Variants in BMPR1A observed in about 807,000 individuals in gnomAD.
The protein encoded by BMPR1A is bone morphogenetic protein receptor type-1A.
BMPR1A carries 7 observed loss-of-function variants against 66.0 expected under a neutral mutation model. The ratio of observed to expected loss-of-function variants is 0.11; its 90% confidence interval spans 0.06 to 0.20. The LOEUF is 0.20. BMPR1A is among the 10% of genes least tolerant of loss of function. The pLI is 1.00. For synonymous variants in BMPR1A, 200 were observed against 229.7 expected (o/e 0.87, Z 1.17); for missense variants, 408 against 669.1 (o/e 0.61, Z 4.31).
Position 86,875,949 on chromosome 10 carries a change from A to G in BMPR1A, c.-70A>G, listed in dbSNP as rs1842915645. Reference sequence around the variant, plus strand: ...AAGAAAATCTCACTGAATGATAGTCATTTAAATTGGTGAAGTAGCAAGACC... The same window carrying G: ...AAGAAAATCTCACTGAATGATAGTCGTTTAAATTGGTGAAGTAGCAAGACC... On this transcript the variant is annotated 5_prime_UTR_variant, in exon 3 of 13. Coordinates refer to ENST00000372037, the MANE Select transcript of BMPR1A (RefSeq NM_004329.3). 2 of 1,283,900 alleles carry G rather than the reference A, an allele frequency of 1.6e-6. No homozygotes were observed. Among genetic ancestry groups the G allele is most frequent in the Non-Finnish European group, 2.3e-6 (2 of 883,844 alleles). 79.5% of individuals were successfully genotyped at this position (1,283,900 alleles called of 1,614,324 possible). A position where few individuals can be genotyped will look rare whatever the true frequency, so the allele number is the denominator to read the frequency against.
rs1361764159 is a variant in BMPR1A at position 86,837,251 on chromosome 10, G to GTGTGTGTGTGTC, written c.-267-1603_-267-1602insCTGTGTGTGTGT. On this transcript the variant is annotated intron_variant, in intron 1 of 12. Coordinates refer to ENST00000372037, the MANE Select transcript of BMPR1A (RefSeq NM_004329.3). ...TCAGGCTGTGTGTGTGTGTGTCTGTGTGTGTGTGTGTGTGTGTGTGTGTAA... is the reference window on the plus strand; with the variant it reads ...TCAGGCTGTGTGTGTGTGTGTCTGTGTGTGTGTGTGTCTGTGTGTGTGTGTGTGTGTGTGTAA... Among the ~76,000 whole-genome samples, 389 of 127,186 alleles carry GTGTGTGTGTGTC rather than the reference G, an allele frequency of 3.1e-3. 4 individuals are homozygous for GTGTGTGTGTGTC. Among genetic ancestry groups the GTGTGTGTGTGTC allele is most frequent in the African/African-American group, 0.015 (370 of 24,912 alleles). The allele number at this position is 127,186 out of a possible 152,430, so 83.4% of individuals were successfully genotyped here. A position where few individuals can be genotyped will look rare whatever the true frequency, so the allele number is the denominator to read the frequency against.
intron 1 of BMPR1A, among the ~76,000 whole-genome samples, chr10:86,823,929 G>A (rs1029599083): frequency 6.6e-6 from 1 of 152,222 alleles, no homozygotes; most frequent in Non-Finnish European, 1.5e-5. Context: ...GTGGTGGTAT[G>A]ACATTTGCAG....
chr10:86,802,806 TAA>T (rs1343438560), intron 1 of BMPR1A, among the ~76,000 whole-genome samples: 2 of 143,502 alleles, frequency 1.4e-5, no homozygotes. Flanking sequence ...CAGACATGTT[TAA>T]AAAAAAAAAA....
intron 2 of BMPR1A, among the ~76,000 whole-genome samples, chr10:86,841,863 T>C (rs555950862): frequency 6.6e-6 from 1 of 152,290 alleles, no homozygotes; most frequent in East Asian, 1.9e-4. Flanking sequence ...GCCTACAGAA[T>C]GAACGTTCCA....
intron 1 of BMPR1A, among the ~76,000 whole-genome samples, chr10:86,769,184 C>T (rs1023962042): frequency 1.3e-5 from 2 of 152,128 alleles, no homozygotes; most frequent in African/African-American, 4.8e-5. Flanking sequence ...TGTTGCTTTT[C>T]CTGCTTTGTA....
intron 1 of BMPR1A, among the ~76,000 whole-genome samples, chr10:86,766,829 T>G (rs1841171240): frequency 6.6e-6 from 1 of 150,972 alleles, no homozygotes; most frequent in Non-Finnish European, 1.5e-5. Context: ...AGGATGGTTT[T>G]TTTTTTTTTT....
At chr10:86,898,960 C>T (rs1208214600) in intron 5 of BMPR1A, among the ~76,000 whole-genome samples, 3 of 152,156 alleles carry the variant, frequency 2.0e-5, no homozygotes, top group Admixed American at 6.5e-5. Context: ...TTTCCAAATG[C>T]TCTTGACCAT....
At chr10:86,907,153 GCTGT>G (rs1218790222) in intron 7 of BMPR1A, among the ~76,000 whole-genome samples, 1 of 152,222 alleles carries the variant, frequency 6.6e-6, no homozygotes, top group Non-Finnish European at 1.5e-5. Flanking sequence ...CAGCACAAGT[GCTGT>G]CTGACACTTG....
chr10:86,763,053 G>A (rs537286885), intron 1 of BMPR1A, among the ~76,000 whole-genome samples: 1 of 152,014 alleles, frequency 6.6e-6, no homozygotes, highest in East Asian at 1.9e-4. Flanking sequence ...GAGCCACCAC[G>A]CCTGGCTAAT....
intron 1 of BMPR1A, among the ~76,000 whole-genome samples, chr10:86,796,376 T>C (rs1384204467): frequency 2.0e-5 from 3 of 152,088 alleles, no homozygotes; most frequent in South Asian, 2.1e-4. Flanking sequence ...TACTATTTTT[T>C]TCTTCACTTT....
At chr10:86,873,571 G>C (rs1842880345) in intron 2 of BMPR1A, among the ~76,000 whole-genome samples, 2 of 152,166 alleles carry the variant, frequency 1.3e-5, no homozygotes, top group African/African-American at 4.8e-5. Flanking sequence ...ACTGGAGAGT[G>C]GTAGCCAGTG....
In BMPR1A at chr10:86,925,439, G is replaced by T; in HGVS notation, c.*1720G>T. ...AAGGTTAAAACTTACAAATTTGTCT[G>T]CACATCAAATTTCACAAATTTGAAA... On this transcript the variant is annotated 3_prime_UTR_variant, in exon 13 of 13. Transcript: ENST00000372037. 1 of 215,470 alleles carries T rather than the reference G, an allele frequency of 4.6e-6. No homozygotes were observed. The highest frequency in any genetic ancestry group is 9.3e-6 in the Non-Finnish European group (1 of 106,966). The allele number at this position is 215,470 out of a possible 1,614,324, so 13.3% of individuals were successfully genotyped here. A position where few individuals can be genotyped will look rare whatever the true frequency, so the allele number is the denominator to read the frequency against.
At chr10:86,832,892 T>A (rs938041624) in intron 1 of BMPR1A, among the ~76,000 whole-genome samples, 2 of 152,212 alleles carry the variant, frequency 1.3e-5, no homozygotes, top group Admixed American at 1.3e-4. Context: ...TAAATCTTTG[T>A]GTGGGCACAT....
intron 2 of BMPR1A, among the ~76,000 whole-genome samples, chr10:86,865,370 T>C (rs928845525): frequency 2.6e-5 from 4 of 152,090 alleles, no homozygotes; most frequent in African/African-American, 9.7e-5. Flanking sequence ...TCATCCTGGC[T>C]CAAAAAGCTC....
At chr10:86,839,351 G>C (rs529158924) in intron 2 of BMPR1A, among the ~76,000 whole-genome samples, 11 of 152,258 alleles carry the variant, frequency 7.2e-5, no homozygotes, top group African/African-American at 2.4e-4. Flanking sequence ...CCAGCACTTT[G>C]GGAGGCTGAG....
intron 1 of BMPR1A, among the ~76,000 whole-genome samples, chr10:86,773,969 G>C (rs563332603): frequency 4.0e-5 from 6 of 151,460 alleles, no homozygotes; most frequent in African/African-American, 1.5e-4. Flanking sequence ...TCCTGCCTCA[G>C]CCTCCTGAGT....
chr10:86,836,569 A>G (rs1029910045), intron 1 of BMPR1A, among the ~76,000 whole-genome samples: 2 of 152,108 alleles, frequency 1.3e-5, no homozygotes, highest in Non-Finnish European at 2.9e-5. Flanking sequence ...AGGCCGAGGC[A>G]GGCGGATCAC....
At chr10:86,872,382 T>G (rs1190349148) in intron 2 of BMPR1A, among the ~76,000 whole-genome samples, 1 of 152,182 alleles carries the variant, frequency 6.6e-6, no homozygotes. Flanking sequence ...GGATAGTTGT[T>G]AACATGTAGA....
chr10:86,782,935 A>G (rs1182252066), intron 1 of BMPR1A, among the ~76,000 whole-genome samples: 5 of 152,180 alleles, frequency 3.3e-5, no homozygotes, highest in Non-Finnish European at 7.4e-5. Context: ...TTTTGCAGCC[A>G]AGAAATCATT....
Sources: gnomAD v4.1 joint callset for allele counts (sites outside exome capture counted in the v4.1 genomes callset) on GRCh38, gnomAD v4.1.1 for gene constraint, MANE v1.5 for transcripts, NCBI Gene and HGNC (gene_info 2026-07-23, HGNC 2026-07-21) for gene names.